CNTN5: variants seen among roughly 807,000 people sequenced by gnomAD.
CNTN5 encodes the protein contactin-5.
A neutral mutation model predicts 129.1 loss-of-function variants in CNTN5; 77 were observed. The observed-to-expected ratio is 0.60, with a 90% CI of 0.50 to 0.72. CNTN5 has a LOEUF of 0.72. Among genes scored for constraint, CNTN5 ranks in the 30% least tolerant of loss-of-function variants. The probability of loss-of-function intolerance (pLI) is 0.00; values close to 1 mark genes in which losing one functional copy is unlikely to be tolerated. For synonymous variants in CNTN5, 509 were observed against 465.6 expected (o/e 1.09, Z -1.20); for missense variants, 1,478 against 1,328.8 (o/e 1.11, Z -1.75).
chr11:99,462,762 T>C (rs1367914314), intron 2 of CNTN5, among the ~76,000 whole-genome samples: 1 of 152,074 alleles, frequency 6.6e-6, no homozygotes, highest in African/African-American at 2.4e-5. Context: ...AGATTAGGAC[T>C]GCAGGAGTAG....
intron 8 of CNTN5, among the ~76,000 whole-genome samples, chr11:99,988,722 TTC>T (rs1440656382): frequency 6.6e-6 from 1 of 152,188 alleles, no homozygotes; most frequent in Admixed American, 6.5e-5. Flanking sequence ...TTCATGACTA[TTC>T]TCTTTATGAA....
chr11:100,010,510 C>G (rs901204251), intron 9 of CNTN5, among the ~76,000 whole-genome samples: 3 of 151,970 alleles, frequency 2.0e-5, no homozygotes, highest in East Asian at 1.9e-4. Context: ...CAGGGGCTAT[C>G]GAGCTGACAG....
intron 6 of CNTN5, among the ~76,000 whole-genome samples, chr11:99,858,676 T>C (rs1447419189): frequency 2.6e-5 from 3 of 117,534 alleles, no homozygotes; most frequent in African/African-American, 8.3e-5. Context: ...GAGAGTTTTT[T>C]TAAAGTTATT....
intron 1 of CNTN5, among the ~76,000 whole-genome samples, chr11:99,231,568 G>C (rs906134827): frequency 1.3e-5 from 2 of 152,094 alleles, no homozygotes; most frequent in African/African-American, 4.8e-5. Flanking sequence ...CCAATGGATA[G>C]ATTGCAAAAA....
At chr11:99,757,218 C>G (rs1944432674) in intron 3 of CNTN5, among the ~76,000 whole-genome samples, 1 of 151,934 alleles carries the variant, frequency 6.6e-6, no homozygotes, top group Non-Finnish European at 1.5e-5. Flanking sequence ...CAATATCTTC[C>G]TTCATTTTCA....
intron 1 of CNTN5, among the ~76,000 whole-genome samples, chr11:99,059,680 T>C (rs1018155678): frequency 6.6e-6 from 1 of 152,092 alleles, no homozygotes; most frequent in African/African-American, 2.4e-5. Flanking sequence ...GAGTTTCCAG[T>C]CTCTCTATTA....
intron 9 of CNTN5, among the ~76,000 whole-genome samples, chr11:100,007,107 T>C (rs11222321): frequency 0.057 from 8,607 of 152,136 alleles, 282 homozygotes; most frequent in Non-Finnish European, 0.077. Context: ...TTCTGAGCTG[T>C]AGGTCTCAAC....
At chr11:99,655,772 A>G (rs1952334076) in intron 3 of CNTN5, among the ~76,000 whole-genome samples, 1 of 152,058 alleles carries the variant, frequency 6.6e-6, no homozygotes, top group African/African-American at 2.4e-5. Context: ...CACACATATC[A>G]CACACATACA....
chr11:99,439,446 G>T (rs1050289400), intron 2 of CNTN5, among the ~76,000 whole-genome samples: 1 of 151,952 alleles, frequency 6.6e-6, no homozygotes, highest in Admixed American at 6.6e-5. Flanking sequence ...GGTGGCTCAC[G>T]CCTGTAATCC....
At chr11:99,243,136 C>T (rs1861645273) in intron 1 of CNTN5, among the ~76,000 whole-genome samples, 1 of 152,092 alleles carries the variant, frequency 6.6e-6, no homozygotes, top group South Asian at 2.1e-4. Context: ...GGCTCACAAG[C>T]ATTTGTTGTT....
intron 3 of CNTN5, among the ~76,000 whole-genome samples, chr11:99,590,061 G>A (rs1295341629): frequency 6.6e-6 from 1 of 152,054 alleles, no homozygotes; most frequent in Non-Finnish European, 1.5e-5. Flanking sequence ...GTATAGAGGA[G>A]GAAGGATCAT....
intron 23 of CNTN5, among the ~76,000 whole-genome samples, chr11:100,345,214 TC>T (rs1232623501): frequency 6.6e-6 from 1 of 152,128 alleles, no homozygotes; most frequent in Non-Finnish European, 1.5e-5. Flanking sequence ...CTGATGAGGG[TC>T]CACTTTTGGT....
Position 100,099,407 on chromosome 11 carries a change from T to C in CNTN5, c.1580+25113T>C, listed in dbSNP as rs12099108. 5.9e-3 allele frequency among the ~76,000 whole-genome samples: 898 copies of C among 152,182 alleles called. 9 individuals are homozygous for C. Among genetic ancestry groups the C allele is most frequent in the African/African-American group, 0.021 (853 of 41,552 alleles). ...TAAAATTGATCTATGTGACTAGCTA[T>C]TGGTGTTTAAGATCAATCTACCCTC... is the stretch of plus-strand genomic sequence containing the variant. On this transcript the variant is annotated intron_variant, in intron 13 of 24. Transcript: ENST00000524871.
intron 7 of CNTN5, among the ~76,000 whole-genome samples, chr11:99,936,305 G>C (rs78047867): frequency 6.6e-6 from 1 of 152,176 alleles, no homozygotes; most frequent in African/African-American, 2.4e-5. Context: ...CAAATGTCCA[G>C]TAAGTTTTCT....
chr11:99,526,138 G>A (rs535030610), intron 2 of CNTN5, among the ~76,000 whole-genome samples: 1 of 152,256 alleles, frequency 6.6e-6, no homozygotes, highest in East Asian at 1.9e-4. Context: ...TCAGTCTATT[G>A]ATACCATAGT....
Position 99,845,248 on chromosome 11 carries a change from C to T in CNTN5, c.563C>T (p.Thr188Ile). The T allele has an allele frequency of 1.2e-6, 2 of 1,610,026 alleles. No homozygotes were observed. Among genetic ancestry groups the T allele is most frequent in the Non-Finnish European group, 1.7e-6 (2 of 1,178,146 alleles). The change falls in exon 6 of 25, where the codon ACA becomes ATA. Residue 188 changes from threonine to isoleucine, a missense_variant. Transcript: ENST00000524871. ...TVGSILSREA[T>I]LQFAYLGNFS... Reference sequence around the variant, plus strand: ...GGGAGTATTCTTAGTAGAGAAGCTACACTGCAGTTTGCCTGTGAGTAAAAT... The same window carrying T: ...GGGAGTATTCTTAGTAGAGAAGCTATACTGCAGTTTGCCTGTGAGTAAAAT...
At chr11:99,964,002 T>C (rs568946276) in intron 8 of CNTN5, among the ~76,000 whole-genome samples, 1 of 152,378 alleles carries the variant, frequency 6.6e-6, no homozygotes, top group South Asian at 2.1e-4. Context: ...TTTTGCACAC[T>C]GATTTTGTAT....
intron 3 of CNTN5, among the ~76,000 whole-genome samples, chr11:99,673,844 G>C (rs533184384): frequency 1.3e-5 from 2 of 152,170 alleles, no homozygotes; most frequent in East Asian, 3.9e-4. Context: ...GAAAAAGTCA[G>C]TCTATCATTG....
At chr11:100,189,374 A>G (rs756592240) in intron 13 of CNTN5, among the ~76,000 whole-genome samples, 1 of 152,064 alleles carries the variant, frequency 6.6e-6, no homozygotes, top group Non-Finnish European at 1.5e-5. Flanking sequence ...TTTATGTTAA[A>G]TGTTGCCTCC....
Sources: gnomAD v4.1 joint callset for allele counts (sites outside exome capture counted in the v4.1 genomes callset) on GRCh38, gnomAD v4.1.1 for gene constraint, MANE v1.5 for transcripts, NCBI Gene and HGNC (gene_info 2026-07-23, HGNC 2026-07-21) for gene names.